DNAH11: variants seen among roughly 807,000 people sequenced by gnomAD.
The protein encoded by DNAH11 is dynein axonemal heavy chain 11, also known as axonemal beta dynein heavy chain 11.
Under a neutral mutation model 526.0 loss-of-function variants are expected in DNAH11, and 442 were observed. That is an observed-to-expected ratio of 0.84 (90% CI 0.78 to 0.91). The LOEUF (loss-of-function observed/expected upper bound fraction) is 0.91. DNAH11 is among the 40% of genes least tolerant of loss of function. DNAH11 has a pLI of 0.00. For missense variants in DNAH11, 6,989 were observed against 5,448.7 expected (o/e 1.28, Z -8.90); for synonymous variants, 2,461 against 1,935.9 (o/e 1.27, Z -7.12).
chr7:21,829,682 GTAAC>G (rs1790462300), intron 65 of DNAH11, among the ~76,000 whole-genome samples: 1 of 152,176 alleles, frequency 6.6e-6, no homozygotes, highest in Non-Finnish European at 1.5e-5. Context: ...ATTTCCAACA[GTAAC>G]TATACTAAAT....
Position 21,558,159 on chromosome 7 carries a change from G to A in DNAH11, c.496-643G>A, listed in dbSNP as rs1339970680. Among the ~76,000 whole-genome samples the A allele has an allele frequency of 2.0e-5, 3 of 152,128 alleles. No homozygotes were observed. In the East Asian group the frequency reaches 5.8e-4, roughly 29 times the overall value. On this transcript the variant is annotated intron_variant, in intron 2 of 81. Coordinates refer to ENST00000409508, the MANE Select transcript of DNAH11 (RefSeq NM_001277115.2). ...GATTATATCAGAAAAATGAAAAAAT[G>A]TTTAAAATGAGTAGATACTTGAAGG...
intron 28 of DNAH11, among the ~76,000 whole-genome samples, chr7:21,649,690 C>A (rs1441606620): frequency 2.0e-5 from 3 of 148,556 alleles, no homozygotes; most frequent in Non-Finnish European, 4.4e-5. Flanking sequence ...TGGAGTCTCA[C>A]TCTGTCACCC....
intron 9 of DNAH11, among the ~76,000 whole-genome samples, chr7:21,583,538 C>A (rs1404624401): frequency 6.6e-6 from 1 of 152,158 alleles, no homozygotes; most frequent in East Asian, 1.9e-4. Context: ...GACTTCATGA[C>A]TAAAACACCA....
chr7:21,619,157 C>T lies in DNAH11; in HGVS notation c.4312C>T (p.His1438Tyr), dbSNP rs1247555879. ...GGCAGATTTGTTAGCACTGCGGTTACACAGAGTGGAAGATGATGTCCGAAG... is the reference window on the plus strand; with the variant it reads ...GGCAGATTTGTTAGCACTGCGGTTATACAGAGTGGAAGATGATGTCCGAAG... Reference protein sequence around the residue: ...TLADLLALRLHRVEDDVRRIV... With the variant: ...TLADLLALRLYRVEDDVRRIV... The change falls in exon 24 of 82, where the codon CAC becomes TAC. Residue 1438 changes from histidine (H) to tyrosine (Y), a missense_variant. By Grantham distance (83) the His-to-Tyr change is moderately conservative. Transcript: ENST00000409508. 6.8e-6 allele frequency: 11 copies of T among 1,613,570 alleles called. No homozygotes were observed. The highest frequency in any genetic ancestry group is 9.3e-6 in the Non-Finnish European group (11 of 1,179,692).
intron 30 of DNAH11, among the ~76,000 whole-genome samples, chr7:21,676,625 G>A (rs1583584971): frequency 6.6e-6 from 1 of 152,290 alleles, no homozygotes; most frequent in East Asian, 1.9e-4. Context: ...CCATTTGACT[G>A]CACTTCTGTG....
intron 58 of DNAH11, 71 bp downstream of exon 58, chr7:21,784,611 G>A: frequency 9.2e-7 from 1 of 1,084,316 alleles, no homozygotes; most frequent in Non-Finnish European, 1.3e-6. Context: ...TTGAATAACT[G>A]AGCTGAGAGA....
At chr7:21,548,781 C>G (rs891548845) in intron 2 of DNAH11, among the ~76,000 whole-genome samples, 2 of 152,168 alleles carry the variant, frequency 1.3e-5, no homozygotes, top group East Asian at 1.9e-4. Flanking sequence ...TGAACTCTGC[C>G]CCCTGCCTAG....
chr7:21,696,797 TAAG>T (rs1783872039), intron 35 of DNAH11, among the ~76,000 whole-genome samples: 1 of 152,190 alleles, frequency 6.6e-6, no homozygotes, highest in South Asian at 2.1e-4. Flanking sequence ...AAAATGAAGA[TAAG>T]AGGAGTGGGT....
rs1275434177 is a variant in DNAH11, at chr7:21,873,465, G to A, written c.12159G>A (p.Leu4053=). 6.2e-7 allele frequency: 1 copy of A among 1,613,928 alleles called. No homozygotes were observed. Among genetic ancestry groups the A allele is most frequent in the South Asian group, 1.1e-5 (1 of 91,068 alleles). ...CTAATGAACCCCCAACAGGGATGCTGGCCAATTTGCATGCCGCCCTGTACA... is the reference window on the plus strand; with the variant it reads ...CTAATGAACCCCCAACAGGGATGCTAGCCAATTTGCATGCCGCCCTGTACA... ...KITNEPPTGM[L]ANLHAALYNF... The change falls in exon 74 of 82, where the codon CTG becomes CTA. Residue 4053 remains leucine (L), a synonymous_variant. Coordinates refer to ENST00000409508, the MANE Select transcript of DNAH11 (RefSeq NM_001277115.2).
At chr7:21,826,545 G>A (rs1018686170) in intron 65 of DNAH11, among the ~76,000 whole-genome samples, 4 of 151,676 alleles carry the variant, frequency 2.6e-5, no homozygotes, top group Non-Finnish European at 5.9e-5. Context: ...ATTTTATAAT[G>A]GATCTTCCTG....
rs532553419 is a variant in DNAH11, at chr7:21,766,948, C to A, written c.9102+1359C>A. ...ACCTCCCCTGTCCTTCTCTCCTCTA[C>A]ACTTGCACTTAAAACGTTTCCACAA... On this transcript the variant is annotated intron_variant, in intron 55 of 81. Transcript: ENST00000409508. Among the ~76,000 whole-genome samples, 86 of 152,338 alleles carry A rather than the reference C, an allele frequency of 5.6e-4. 1 individual carries two copies. Among genetic ancestry groups the A allele is most frequent in the Non-Finnish European group, 9.4e-4 (64 of 68,024 alleles).
At chr7:21,780,465 C>T (rs934448133) in intron 57 of DNAH11, among the ~76,000 whole-genome samples, 2 of 152,176 alleles carry the variant, frequency 1.3e-5, no homozygotes, top group Non-Finnish European at 2.9e-5. Context: ...TTAGCTAATT[C>T]TACCCAGGGA....
At chr7:21,729,417 T>A (rs1430191755) in intron 45 of DNAH11, among the ~76,000 whole-genome samples, 1 of 152,174 alleles carries the variant, frequency 6.6e-6, no homozygotes, top group Admixed American at 6.5e-5. Flanking sequence ...CAGAATACAC[T>A]TTCTCATGTT....
Position 21,804,476 on chromosome 7 carries a change from A to G in DNAH11, c.10165+3201A>G, listed in dbSNP as rs555662754. On this transcript the variant is annotated intron_variant, in intron 62 of 81. Transcript: ENST00000409508. Reference sequence around the variant, plus strand: ...ACTAATTCACCACAAGTTTAAATACACTATCTCTCTGAAATGCATAGTTCA... The same window carrying G: ...ACTAATTCACCACAAGTTTAAATACGCTATCTCTCTGAAATGCATAGTTCA... Among the ~76,000 whole-genome samples the G allele has an allele frequency of 2.0e-5, 3 of 152,304 alleles. No individual in the cohort carries two copies. In the East Asian group the frequency reaches 5.8e-4, roughly 29 times the overall value.
chr7:21,757,487 C>T (rs540419138), intron 54 of DNAH11, among the ~76,000 whole-genome samples: 1 of 152,282 alleles, frequency 6.6e-6, no homozygotes, highest in South Asian at 2.1e-4. Flanking sequence ...TTCTTTCCTT[C>T]CAGCCTTTTG....
intron 65 of DNAH11, among the ~76,000 whole-genome samples, chr7:21,838,540 T>G (rs1782082035): frequency 6.6e-6 from 1 of 152,180 alleles, no homozygotes; most frequent in Non-Finnish European, 1.5e-5. Flanking sequence ...GACATTTCAC[T>G]AAGTGGAGTC....
At chr7:21,899,586 C>A (rs966064026) in intron 80 of DNAH11, 138 bp downstream of exon 80, 6 of 731,606 alleles carry the variant, frequency 8.2e-6, no homozygotes, top group Non-Finnish European at 1.4e-5. Context: ...AAAGGACCAG[C>A]AGCTATAGAG....
At chr7:21,732,087 A>T (rs1425693317) in intron 45 of DNAH11, among the ~76,000 whole-genome samples, 1 of 152,206 alleles carries the variant, frequency 6.6e-6, no homozygotes, top group Non-Finnish European at 1.5e-5. Context: ...TTAAAGGAGG[A>T]CAAGTGTATT....
At chr7:21,596,020 A>G (rs749865388) in intron 14 of DNAH11, among the ~76,000 whole-genome samples, 29 of 152,254 alleles carry the variant, frequency 1.9e-4, no homozygotes, top group Non-Finnish European at 3.5e-4. Context: ...TACATTTGAT[A>G]TGCTCTAGTG....
Sources: allele counts gnomAD v4.1 joint callset (sites outside exome capture counted in the v4.1 genomes callset), GRCh38; gene constraint gnomAD v4.1.1; transcripts MANE v1.5; gene names NCBI Gene and HGNC (gene_info 2026-07-23, HGNC 2026-07-21).